PALM2AKAP2: variants seen among roughly 807,000 people sequenced by gnomAD.
PALM2AKAP2 encodes the protein PALM2-AKAP2 fusion protein.
Under a neutral mutation model 71.5 loss-of-function variants are expected in PALM2AKAP2, and 37 were observed. That is an observed-to-expected ratio of 0.52 (90% CI 0.40 to 0.68). The LOEUF (loss-of-function observed/expected upper bound fraction) is 0.68, where lower values mean the gene tolerates loss of function less well. Ranked by LOEUF, PALM2AKAP2 falls within the 30% of genes least tolerant of loss-of-function variation. The pLI, the probability that PALM2AKAP2 is intolerant of heterozygous loss-of-function variation, is 0.00. For missense variants in PALM2AKAP2, 1,224 were observed against 1,191.8 expected (o/e 1.03, Z -0.40); for synonymous variants, 468 against 478.8 (o/e 0.98, Z 0.29).
chr9:110,113,712 T>G (rs1835298931), intron 1 of PALM2AKAP2, among the ~76,000 whole-genome samples: 1 of 152,082 alleles, frequency 6.6e-6, no homozygotes. Flanking sequence ...TTTGTATTTT[T>G]AGTAGAGATG....
intron 6 of PALM2AKAP2, among the ~76,000 whole-genome samples, chr9:109,932,444 C>A (rs1363459508): frequency 6.6e-6 from 1 of 152,200 alleles, no homozygotes; most frequent in Admixed American, 6.5e-5. Context: ...TTACAGAATC[C>A]TTTGGGAATT....
At chr9:110,058,969 G>A (rs997919801) in intron 1 of PALM2AKAP2, among the ~76,000 whole-genome samples, 7 of 135,272 alleles carry the variant, frequency 5.2e-5, no homozygotes, top group East Asian at 4.3e-4. Flanking sequence ...GTGCAATCTC[G>A]GCTCACTGCA....
intron 1 of PALM2AKAP2, among the ~76,000 whole-genome samples, chr9:109,653,760 T>G (rs949775036): frequency 1.3e-5 from 2 of 152,174 alleles, no homozygotes; most frequent in Non-Finnish European, 2.9e-5. Context: ...AGTGCAAATA[T>G]AGAGCACAGG....
intron 1 of PALM2AKAP2, among the ~76,000 whole-genome samples, chr9:109,853,471 G>A (rs1347476427): frequency 1.3e-5 from 2 of 152,144 alleles, no homozygotes; most frequent in African/African-American, 4.8e-5. Context: ...TCTATTTCAT[G>A]TAATCTACAG....
intron 5 of PALM2AKAP2, among the ~76,000 whole-genome samples, chr9:109,926,806 A>G (rs1588013654): frequency 6.6e-6 from 1 of 152,020 alleles, no homozygotes; most frequent in Admixed American, 6.6e-5. Flanking sequence ...GGGCATGGAG[A>G]CCTGTCATAC....
exon 2 of PALM2AKAP2, chr9:110,136,131 C>T (rs770621971): frequency 6.4e-7 from 1 of 1,571,998 alleles, no homozygotes. Flanking sequence ...TTCCAGAAGC[C>T]TCCCCAGCTT....
At chr9:109,891,860 T>A (rs1370296497) in intron 3 of PALM2AKAP2, among the ~76,000 whole-genome samples, 3 of 152,126 alleles carry the variant, frequency 2.0e-5, no homozygotes. Context: ...TATGGGTGCA[T>A]ATGAAAGGGA....
At position 109,943,709 on chromosome 9, in the gene PALM2AKAP2, G is replaced by A. The variant is rs141075567; in HGVS notation, c.496+11681G>A. On this transcript the variant is annotated intron_variant, in intron 6 of 9. Transcript: ENST00000302798. ...CCTGCTCGATTGGAATGGACTCTTC[G>A]TATCAGCCAGTGATATGGTAGCCTT... is the stretch of plus-strand genomic sequence containing the variant. The A allele has an allele frequency of 6.2e-4, 217 of 347,334 alleles. 1 individual carries two copies. The highest frequency in any genetic ancestry group is 3.3e-3 in the East Asian group (63 of 19,288). 21.5% of individuals were successfully genotyped at this position (347,334 alleles called of 1,614,324 possible).
In PALM2AKAP2 at chr9:109,881,595, G is replaced by T. The variant is rs1384373203; in HGVS notation, c.257+914G>T. ...CTGCTCAGAGAGTGGTTTCTTTATG[G>T]TTCTCAACCAGGATCTGATCACTTC... On this transcript the variant is annotated intron_variant, in intron 3 of 9. Transcript: ENST00000302798. Among the ~76,000 whole-genome samples the T allele has an allele frequency of 3.9e-5, 6 of 152,264 alleles. No homozygotes were observed. In the East Asian group the frequency reaches 1.2e-3, roughly 29 times the overall value.
intron 6 of PALM2AKAP2, among the ~76,000 whole-genome samples, chr9:109,970,719 A>C (rs765763230): frequency 3.9e-5 from 6 of 152,240 alleles, no homozygotes; most frequent in African/African-American, 7.2e-5. Flanking sequence ...TTAGGATAGT[A>C]GTACTATCTC....
chr9:109,759,974 A>C (rs1010783883), intron 1 of PALM2AKAP2, among the ~76,000 whole-genome samples: 5 of 152,160 alleles, frequency 3.3e-5, no homozygotes, highest in African/African-American at 1.2e-4. Context: ...AAATGTATAC[A>C]TGCATATAAT....
chr9:109,969,976 ATCT>A (rs1028228115), intron 6 of PALM2AKAP2, among the ~76,000 whole-genome samples: 1 of 152,192 alleles, frequency 6.6e-6, no homozygotes, highest in Non-Finnish European at 1.5e-5. Context: ...AAACCCACTC[ATCT>A]TCTAGAAATG....
chr9:110,063,376 G>C (rs1217316847), intron 1 of PALM2AKAP2, among the ~76,000 whole-genome samples: 4 of 151,980 alleles, frequency 2.6e-5, no homozygotes, highest in Non-Finnish European at 5.9e-5. Context: ...TTGTAGATGG[G>C]TGTCTTCTCC....
intron 6 of PALM2AKAP2, among the ~76,000 whole-genome samples, chr9:109,964,790 A>G (rs940838506): frequency 1.3e-5 from 2 of 152,222 alleles, no homozygotes; most frequent in African/African-American, 4.8e-5. Context: ...AAAATGGCAA[A>G]TAACTCTCAG....
intron 1 of PALM2AKAP2, among the ~76,000 whole-genome samples, chr9:110,107,418 T>C (rs1351665231): frequency 1.3e-5 from 2 of 152,204 alleles, no homozygotes; most frequent in Non-Finnish European, 2.9e-5. Context: ...AAATGTGAGT[T>C]TAGAAATAGG....
intron 6 of PALM2AKAP2, among the ~76,000 whole-genome samples, chr9:109,947,680 C>T (rs1272455061): frequency 6.6e-6 from 1 of 152,200 alleles, no homozygotes; most frequent in Non-Finnish European, 1.5e-5. Flanking sequence ...CATCTCTGCT[C>T]ATCCCTGGAC....
intron 6 of PALM2AKAP2, among the ~76,000 whole-genome samples, chr9:109,940,582 C>T (rs1469126338): frequency 4.6e-5 from 7 of 152,084 alleles, no homozygotes; most frequent in Admixed American, 1.3e-4. Flanking sequence ...ATCTTCTTAA[C>T]ACAGGGAACT....
chr9:109,683,931 GA>G (rs929340748), intron 1 of PALM2AKAP2, among the ~76,000 whole-genome samples: 1 of 151,784 alleles, frequency 6.6e-6, no homozygotes, highest in Non-Finnish European at 1.5e-5. Context: ...TTTTACAGTT[GA>G]AAAAAATGAG....
At chr9:109,662,231 C>T (rs1410550037) in intron 1 of PALM2AKAP2, among the ~76,000 whole-genome samples, 1 of 152,174 alleles carries the variant, frequency 6.6e-6, no homozygotes, top group Non-Finnish European at 1.5e-5. Flanking sequence ...GAGAGGGCAT[C>T]CCTGTCTTGT....
Sources: allele counts gnomAD v4.1 joint callset (sites outside exome capture counted in the v4.1 genomes callset), GRCh38; gene constraint gnomAD v4.1.1; transcripts MANE v1.5; gene names NCBI Gene and HGNC (gene_info 2026-07-23, HGNC 2026-07-21).